GCG: variants seen among roughly 807,000 people sequenced by gnomAD.
GCG encodes the protein glucagon, also known as pro-glucagon.
A neutral mutation model predicts 22.8 loss-of-function variants in GCG; 11 were observed. The ratio of observed to expected loss-of-function variants is 0.48; its 90% CI spans 0.30 to 0.80. The LOEUF (loss-of-function observed/expected upper bound fraction) is 0.80, where lower values mean the gene tolerates loss of function less well. GCG is among the 30% of genes least tolerant of loss of function. The pLI is 0.06. For missense variants in GCG, 222 were observed against 222.0 expected (o/e 1.00, Z 0.00); for synonymous variants, 89 against 72.4 (o/e 1.23, Z -1.16).
rs900037602 is a variant in GCG, at chr2:162,152,245, T to G, written c.-97A>C. Reference sequence around the variant, plus strand: ...TTGATGTGCTCTGTGTCCTAAGCTCTGTACTTCTGCACCAAGGCGCACTGC... The same window carrying G: ...TTGATGTGCTCTGTGTCCTAAGCTCGGTACTTCTGCACCAAGGCGCACTGC... On this transcript the variant is annotated 5_prime_UTR_variant, in exon 1 of 6. Coordinates refer to ENST00000418842, the MANE Select transcript of GCG (RefSeq NM_002054.5). 6.6e-6 allele frequency: 1 copy of G among 152,658 alleles called. No individual in the cohort carries two copies. The highest frequency in any genetic ancestry group is 1.5e-5 in the Non-Finnish European group (1 of 68,058). The allele number at this position is 152,658 out of a possible 1,614,324, so 9.5% of individuals were successfully genotyped here. A position where few individuals can be genotyped will look rare whatever the true frequency, so the allele number is the denominator to read the frequency against.
chr2:162,148,464 AAATATCATG>A (rs1686750368), intron 2 of GCG, among the ~76,000 whole-genome samples: 1 of 152,092 alleles, frequency 6.6e-6, no homozygotes, highest in Non-Finnish European at 1.5e-5. Context: ...TGCTGCCATT[AAATATCATG>A]TTTAACAAAT....
At chr2:162,145,515 G>A (rs1253753192) in intron 4 of GCG, 25 bp downstream of exon 4, 17 of 1,567,366 alleles carry the variant, frequency 1.1e-5, no homozygotes, top group Non-Finnish European at 1.5e-5. Context: ...GGCAAAAAAT[G>A]TCAAATAAGA....
At chr2:162,146,868 C>G (rs1354097236) in intron 3 of GCG, among the ~76,000 whole-genome samples, 1 of 152,092 alleles carries the variant, frequency 6.6e-6, no homozygotes, top group African/African-American at 2.4e-5. Context: ...CTATGCTGTG[C>G]AGCTAGGCTG....
chr2:162,150,058 G>C (rs1238047946), intron 1 of GCG, among the ~76,000 whole-genome samples: 3 of 152,116 alleles, frequency 2.0e-5, no homozygotes, highest in Non-Finnish European at 4.4e-5. Context: ...GTCACAAGCA[G>C]ATGCCCTGCG....
intron 1 of GCG, among the ~76,000 whole-genome samples, chr2:162,150,166 A>T (rs1417066800): frequency 6.6e-6 from 1 of 152,018 alleles, no homozygotes; most frequent in Non-Finnish European, 1.5e-5. Flanking sequence ...AAGCGCTTCT[A>T]TTTTCTGAAT....
intron 1 of GCG, among the ~76,000 whole-genome samples, chr2:162,150,943 G>A (rs1429680389): frequency 6.6e-6 from 1 of 151,744 alleles, no homozygotes; most frequent in East Asian, 1.9e-4. Context: ...AACAATAAAT[G>A]ACTTCTTCTG....
At chr2:162,148,313 C>T (rs960040176) in intron 2 of GCG, among the ~76,000 whole-genome samples, 3 of 151,668 alleles carry the variant, frequency 2.0e-5, no homozygotes, top group East Asian at 3.9e-4. Flanking sequence ...AACCTATGTG[C>T]AAAAAAATAG....
chr2:162,147,272 A>G (rs1686711636), intron 3 of GCG, 81 bp downstream of exon 3: 3 of 1,029,524 alleles, frequency 2.9e-6, no homozygotes, highest in Non-Finnish European at 4.4e-6. Flanking sequence ...GACGAGCATA[A>G]GAACTTAATA....
intron 1 of GCG, among the ~76,000 whole-genome samples, chr2:162,149,449 T>A (rs1686780122): frequency 6.6e-6 from 1 of 152,144 alleles, no homozygotes. Context: ...GACACTTCTG[T>A]TTAATAATTA....
Position 162,149,104 on chromosome 2 carries a change from G to A in GCG, c.75C>T (p.Asp25=). The A allele has an allele frequency of 6.2e-7, 1 of 1,606,932 alleles. No individual in the cohort carries two copies. The highest frequency in any genetic ancestry group is 1.7e-5 in the Admixed American group (1 of 59,890). ...TTTAATACCTGGATTTCTCCTCTGT[G>A]TCTTGAAGGGAACGTTGCCAGCTGC... The part of the protein sequence containing the change: ...VQGSWQRSLQ[D]TEEKSRSFSA... The change falls in exon 2 of 6, where the codon GAC becomes GAT. Residue 25 remains aspartate (D), a synonymous_variant. Transcript: ENST00000418842.
At chr2:162,143,801 G>T in intron 5 of GCG, 2 of 550,710 alleles carry the variant, frequency 3.6e-6, no homozygotes, top group South Asian at 2.2e-5. Context: ...GACTCTAATA[G>T]ACACTCAGTA....
At chr2:162,149,393 G>A (rs1444539236) in intron 1 of GCG, among the ~76,000 whole-genome samples, 1 of 152,078 alleles carries the variant, frequency 6.6e-6, no homozygotes, top group African/African-American at 2.4e-5. Context: ...GGCAAAAAAG[G>A]ACACAAAAGA....
rs776694657 is a variant in GCG at position 162,145,696 on chromosome 2, T to C, written c.255-19A>G. ...GTTATTCCTGAAAGAAATGTGAAAG[T>C]TAAATTGAAGATCTGTCTCTTTGGC... On this transcript the variant is annotated intron_variant, in intron 3 of 5. Transcript: ENST00000418842. The C allele has an allele frequency of 2.5e-6, 4 of 1,604,842 alleles. No individual in the cohort carries two copies. In the East Asian group the frequency reaches 9.0e-5, roughly 36 times the overall value.
chr2:162,145,472 T>C (rs1399076130), intron 4 of GCG, 68 bp downstream of exon 4: 6 of 1,282,868 alleles, frequency 4.7e-6, no homozygotes, highest in South Asian at 4.4e-5. Context: ...GATCCATATA[T>C]AGATAACTGT....
intron 1 of GCG, among the ~76,000 whole-genome samples, chr2:162,150,780 C>T (rs569462643): frequency 1.3e-5 from 2 of 152,138 alleles, no homozygotes; most frequent in Admixed American, 1.3e-4. Flanking sequence ...ATTCATTCCA[C>T]CCAAAGTCCT....
Position 162,143,195 on chromosome 2 carries a change from A to G in GCG, c.*169T>C, listed in dbSNP as rs542661715. Reference sequence around the variant, plus strand: ...TTTAGCAATATTTTGATAAAACTTTATTCCATTTGTAATTTTTGGCTACAC... The same window carrying G: ...TTTAGCAATATTTTGATAAAACTTTGTTCCATTTGTAATTTTTGGCTACAC... On this transcript the variant is annotated 3_prime_UTR_variant, in exon 6 of 6. Transcript: ENST00000418842. The G allele has an allele frequency of 4.8e-6, 2 of 414,836 alleles. No homozygotes were observed. Among genetic ancestry groups the G allele is most frequent in the Non-Finnish European group, 8.9e-6 (2 of 225,580 alleles). 25.7% of individuals were successfully genotyped at this position (414,836 alleles called of 1,614,324 possible).
At chr2:162,143,762 T>C (rs908215245) in intron 5 of GCG, 20 of 490,052 alleles carry the variant, frequency 4.1e-5, no homozygotes, top group African/African-American at 3.1e-4. Context: ...TTTCCCATGT[T>C]TCATTTCTAT....
In GCG at chr2:162,144,503, A is replaced by G. The variant is rs536593278; in HGVS notation, c.393-333T>C. Reference sequence around the variant, plus strand: ...AATTCAACTAAATATATCATATCCTATAAAACCAGAGCTTGCAGGAACAGC... The same window carrying G: ...AATTCAACTAAATATATCATATCCTGTAAAACCAGAGCTTGCAGGAACAGC... On this transcript the variant is annotated intron_variant, in intron 4 of 5. Transcript: ENST00000418842. 9 of 201,408 alleles carry G rather than the reference A, an allele frequency of 4.5e-5. No homozygotes were observed. In the East Asian group the frequency reaches 9.2e-4, roughly 21 times the overall value. The allele number at this position is 201,408 out of a possible 1,614,324, so 12.5% of individuals were successfully genotyped here. A position where few individuals can be genotyped will look rare whatever the true frequency, so the allele number is the denominator to read the frequency against.
At chr2:162,151,918 G>GT (rs1206198263) in intron 1 of GCG, among the ~76,000 whole-genome samples, 14 of 151,550 alleles carry the variant, frequency 9.2e-5, no homozygotes, top group African/African-American at 2.9e-4. Flanking sequence ...TTGAATCTTT[G>GT]TTTTTTTTCT....
Sources: gnomAD v4.1 joint callset for allele counts (sites outside exome capture counted in the v4.1 genomes callset) on GRCh38, gnomAD v4.1.1 for gene constraint, MANE v1.5 for transcripts, NCBI Gene and HGNC (gene_info 2026-07-23, HGNC 2026-07-21) for gene names.